The following ADAMTS6 variants were observed in gnomAD, a reference collection of about 807,000 sequenced individuals.
ADAMTS6 encodes A disintegrin and metalloproteinase with thrombospondin motifs 6.
In ADAMTS6, 23 loss-of-function variants were observed where a neutral mutation model predicts 144.3. The observed-to-expected ratio is 0.16, with a 90% CI of 0.11 to 0.23. The LOEUF is 0.23. ADAMTS6 is among the 10% of genes least tolerant of loss of function. The probability of loss-of-function intolerance (pLI) is 1.00; values close to 1 mark genes in which losing one functional copy is unlikely to be tolerated. For missense variants in ADAMTS6, 999 were observed against 1,379.6 expected, an observed-to-expected ratio of 0.72 and a Z score of 4.37; for synonymous variants, 444 against 457.5, an observed-to-expected ratio of 0.97 and a Z score of 0.38.
At chr5:65,284,937 T>C (rs76167258) in intron 11 of ADAMTS6, among the ~76,000 whole-genome samples, 2,418 of 152,216 alleles carry the variant, frequency 0.016, 61 homozygotes, top group African/African-American at 0.056. Flanking sequence ...CACCCTCTAG[T>C]ATAAAAAGAA....
chr5:65,269,349 C>T (rs1004754840), intron 12 of ADAMTS6, among the ~76,000 whole-genome samples: 6 of 152,256 alleles, frequency 3.9e-5, no homozygotes, highest in Admixed American at 1.3e-4. Context: ...ATCATATATG[C>T]TTAGCTCAAT....
Position 65,214,306 on chromosome 5 carries a change from C to T in ADAMTS6, c.2575+488G>A. The T allele has an allele frequency of 3.4e-6, 1 of 296,352 alleles. No individual in the cohort carries two copies. The highest frequency in any genetic ancestry group is 6.6e-6 in the Non-Finnish European group (1 of 151,706). 18.4% of individuals were successfully genotyped at this position (296,352 alleles called of 1,614,324 possible). ...GATACCAGTAATTATTGTAGCATCC[C>T]AGTATACAGCCCCTTAACTTTGATG... On this transcript the variant is annotated intron_variant, in intron 20 of 24. Transcript: ENST00000381055. This position sits in a 1 kb window ranked among gnomAD's most constrained non-coding sequence, Gnocchi z 4.6.
At chr5:65,336,382 T>C (rs1489975781) in intron 7 of ADAMTS6, among the ~76,000 whole-genome samples, 1 of 152,064 alleles carries the variant, frequency 6.6e-6, no homozygotes, top group Non-Finnish European at 1.5e-5. Context: ...TTTCATTGCA[T>C]TGAAGGAAAA....
chr5:65,162,350 G>C (rs1227884328), intron 24 of ADAMTS6, among the ~76,000 whole-genome samples: 1 of 152,132 alleles, frequency 6.6e-6, no homozygotes, highest in Non-Finnish European at 1.5e-5. Context: ...ATTGAATTAG[G>C]CTGACAGTCA....
chr5:65,284,020 C>A, intron 11 of ADAMTS6, among the ~76,000 whole-genome samples: 1 of 152,070 alleles, frequency 6.6e-6, no homozygotes, highest in Non-Finnish European at 1.5e-5. Context: ...CTGCTATCCT[C>A]TCCCAAGTTG....
chr5:65,186,891 A>G (rs1317917118), intron 22 of ADAMTS6, among the ~76,000 whole-genome samples: 4 of 152,208 alleles, frequency 2.6e-5, no homozygotes, highest in Non-Finnish European at 1.5e-5. Context: ...TCCATGTACC[A>G]TCTTAAACAC....
chr5:65,224,205 T>A, intron 18 of ADAMTS6, 115 bp downstream of exon 18: 1 of 836,756 alleles, frequency 1.2e-6, no homozygotes, highest in South Asian at 1.5e-5. Context: ...GCTTACTTCA[T>A]TTTAGCATGA....
At chr5:65,306,518 A>T (rs969587816) in intron 9 of ADAMTS6, among the ~76,000 whole-genome samples, 1 of 152,192 alleles carries the variant, frequency 6.6e-6, no homozygotes, top group African/African-American at 2.4e-5. Flanking sequence ...ACTAGCTTTG[A>T]TCTGAAAATG....
In ADAMTS6 at chr5:65,460,196, T is replaced by C. The variant is rs764755555; in HGVS notation, c.605A>G (p.Tyr202Cys). The C allele has an allele frequency of 3.1e-6, 5 of 1,614,106 alleles. No individual in the cohort carries two copies. Among genetic ancestry groups the C allele is most frequent in the South Asian group, 1.1e-5 (1 of 91,080 alleles). Residue 202 changes from tyrosine to cysteine, a missense_variant, in exon 4 of 25, where the codon TAT becomes TGT. Physicochemically the swap from Tyr to Cys is radical, Grantham distance 194 (BLOSUM62 -2). Transcript: ENST00000381055. The stretch of plus-strand genomic sequence containing the variant: ...CGAAACCCCACAATGAGAGTGATCA[T>C]ACAGATGTCGTTGTTGAAGGGCAGA... ...KKSALQQRHL[Y>C]DHSHCGVSDF...
chr5:65,201,730 T>TC (rs1755750989), intron 20 of ADAMTS6, among the ~76,000 whole-genome samples: 1 of 152,154 alleles, frequency 6.6e-6, no homozygotes, highest in South Asian at 2.1e-4. Flanking sequence ...ACATAGCACA[T>TC]CATATCTACC....
chr5:65,194,796 T>C (rs151290344), intron 21 of ADAMTS6, among the ~76,000 whole-genome samples: 53 of 152,192 alleles, frequency 3.5e-4, no homozygotes, highest in Non-Finnish European at 6.3e-4. Context: ...TCTCCAAACT[T>C]AAGTAAGTAA....
chr5:65,171,285 A>C (rs1331211469), intron 23 of ADAMTS6, among the ~76,000 whole-genome samples: 1 of 152,188 alleles, frequency 6.6e-6, no homozygotes, highest in East Asian at 1.9e-4. Flanking sequence ...CTGGGATTAC[A>C]GGTGTGAGCC....
chr5:65,345,018 A>C (rs1374567421), intron 7 of ADAMTS6, among the ~76,000 whole-genome samples: 1 of 151,822 alleles, frequency 6.6e-6, no homozygotes, highest in Non-Finnish European at 1.5e-5. Context: ...TAATTTTTAC[A>C]TATGCGTTTT....
rs575458081 is a variant in ADAMTS6 at position 65,390,007 on chromosome 5, T to G, written c.1074-55922A>C. ...CCAAAATCACAGTGTCTTAGAAGTA[T>G]AAGTAATTAGGGCTTAACAGATTAT... On this transcript the variant is annotated intron_variant, in intron 7 of 24. Transcript: ENST00000381055. Among the ~76,000 whole-genome samples the G allele has an allele frequency of 9.8e-5, 15 of 152,298 alleles. No homozygotes were observed. The South Asian group carries it at 2.1e-3, about 21-fold the overall frequency.
chr5:65,244,898 G>T (rs1248010534), intron 14 of ADAMTS6, among the ~76,000 whole-genome samples: 1 of 152,116 alleles, frequency 6.6e-6, no homozygotes, highest in Non-Finnish European at 1.5e-5. Context: ...TCATTAACCA[G>T]ATGCAACTTT....
At chr5:65,316,714 A>G (rs1017095083) in intron 9 of ADAMTS6, among the ~76,000 whole-genome samples, 10 of 152,362 alleles carry the variant, frequency 6.6e-5, no homozygotes, top group Admixed American at 5.9e-4. Flanking sequence ...AGAAGATTTC[A>G]GAATAACTAA....
intron 7 of ADAMTS6, among the ~76,000 whole-genome samples, chr5:65,357,083 T>G (rs1010296363): frequency 6.6e-6 from 1 of 151,558 alleles, no homozygotes; most frequent in Non-Finnish European, 1.5e-5. Context: ...AATAATAGAA[T>G]TTACTGGACT....
At chr5:65,317,467 A>G (rs890832171) in intron 9 of ADAMTS6, among the ~76,000 whole-genome samples, 5 of 152,190 alleles carry the variant, frequency 3.3e-5, no homozygotes, top group African/African-American at 1.2e-4. Flanking sequence ...ACAAGAAAAC[A>G]TTAAGGAAAA....
chr5:65,325,337 A>T (rs1377939082), intron 9 of ADAMTS6, among the ~76,000 whole-genome samples: 1 of 152,128 alleles, frequency 6.6e-6, no homozygotes, highest in Non-Finnish European at 1.5e-5. Flanking sequence ...GGGAAAGCAA[A>T]CTATTCTAGA....
Sources: allele counts gnomAD v4.1 joint callset (sites outside exome capture counted in the v4.1 genomes callset), GRCh38; gene constraint gnomAD v4.1.1; non-coding constraint Gnocchi (gnomAD v3.1); transcripts MANE v1.5; gene names NCBI Gene and HGNC (gene_info 2026-07-23, HGNC 2026-07-21).